USP42: variants seen among roughly 807,000 people sequenced by gnomAD.
USP42 encodes the protein ubiquitin specific peptidase 42.
Under a neutral mutation model 113.0 loss-of-function variants are expected in USP42, and 23 were observed. The ratio of observed to expected loss-of-function variants is 0.20; its 90% CI spans 0.15 to 0.29. The LOEUF is 0.29. Ranked by LOEUF, USP42 falls within the 10% of genes least tolerant of loss-of-function variation. USP42 has a pLI of 1.00. For missense variants in USP42, 2,174 were observed against 1,779.8 expected, an observed-to-expected ratio of 1.22 and a Z score of -3.99; for synonymous variants, 933 against 699.0, an observed-to-expected ratio of 1.33 and a Z score of -5.28.
Position 6,149,912 on chromosome 7 carries a change from G to T in USP42, c.1716G>T (p.Met572Ile). The change falls in exon 13 of 18, where the codon ATG becomes ATT. Residue 572 changes from methionine (M) to isoleucine (I), a missense_variant. Transcript: ENST00000306177. ...AGTCTACCTCGAACGCATCTACGAT[G>T]TCAGTTTCTAGTAAAGTAACAAAAC... ...AVQSTSNASTMSVSSKVTKPI... is the reference protein window; with the variant it reads ...AVQSTSNASTISVSSKVTKPI... 1 of 1,614,016 alleles carries T rather than the reference G, an allele frequency of 6.2e-7. No homozygotes were observed. Among genetic ancestry groups the T allele is most frequent in the Non-Finnish European group, 8.5e-7 (1 of 1,179,910 alleles).
intron 3 of USP42, among the ~76,000 whole-genome samples, chr7:6,127,137 G>A (rs1780586619): frequency 6.6e-6 from 1 of 152,172 alleles, no homozygotes; most frequent in African/African-American, 2.4e-5. Flanking sequence ...GTTCTTTGGT[G>A]AAACGTGCCT....
rs546676648 is a variant in USP42 at position 6,158,621 on chromosome 7, C to T, written c.3944-829C>T. ...GCCCATGGAGTGCTGGGGAAACAGCCGGAGATGAGGACAGGCACCAGCACT... is the reference window on the plus strand; with the variant it reads ...GCCCATGGAGTGCTGGGGAAACAGCTGGAGATGAGGACAGGCACCAGCACT... On this transcript the variant is annotated intron_variant, in intron 16 of 17. Transcript: ENST00000306177. This position sits in a 1 kb window ranked among gnomAD's most constrained non-coding sequence, Gnocchi z 4.2. Among the ~76,000 whole-genome samples the T allele has an allele frequency of 2.0e-5, 3 of 152,150 alleles. No homozygotes were observed. Among genetic ancestry groups the T allele is most frequent in the Non-Finnish European group, 2.9e-5 (2 of 68,030 alleles).
chr7:6,156,725 G>A (rs1387213100), intron 15 of USP42, 29 bp from the exon 16 acceptor site: 1 of 1,515,538 alleles, frequency 6.6e-7, no homozygotes, highest in Non-Finnish European at 8.8e-7. Context: ...GTGTTTTAGG[G>A]TTTTGAATTC....
At chr7:6,107,951 T>C (rs993934021) in intron 1 of USP42, among the ~76,000 whole-genome samples, 20 of 152,190 alleles carry the variant, frequency 1.3e-4, no homozygotes, top group African/African-American at 4.6e-4. Context: ...GATTGTATTT[T>C]TTTGGGTGAT....
intron 11 of USP42, among the ~76,000 whole-genome samples, chr7:6,146,852 C>T (rs937487587): frequency 3.2e-4 from 48 of 152,220 alleles, no homozygotes; most frequent in African/African-American, 1.2e-3. Context: ...GGGCCAGGAG[C>T]CACAGGACAA....
chr7:6,096,638 G>A, the USP42 span, among the ~76,000 whole-genome samples: 1 of 151,404 alleles, frequency 6.6e-6, no homozygotes, highest in Admixed American at 6.6e-5. Flanking sequence ...AGGAGGCTGT[G>A]AAACAGGCTG....
At chr7:6,147,177 C>T (rs542854233) in intron 11 of USP42, among the ~76,000 whole-genome samples, 1 of 152,338 alleles carries the variant, frequency 6.6e-6, no homozygotes, top group Non-Finnish European at 1.5e-5. Context: ...GAGGAGGCCT[C>T]AGGCCAAGTT....
chr7:6,136,387 G>T (rs577981262), intron 4 of USP42, among the ~76,000 whole-genome samples: 2 of 152,118 alleles, frequency 1.3e-5, no homozygotes, highest in Non-Finnish European at 2.9e-5. Flanking sequence ...TTTGTCGTAC[G>T]TGGCTATGTC....
the USP42 span, among the ~76,000 whole-genome samples, chr7:6,092,213 T>C: frequency 6.9e-6 from 1 of 144,688 alleles, no homozygotes; most frequent in African/African-American, 2.7e-5. Context: ...ATTCTCGCTT[T>C]GTCGCCCAGG....
At chr7:6,108,062 T>C (rs1406218835) in intron 1 of USP42, among the ~76,000 whole-genome samples, 2 of 152,144 alleles carry the variant, frequency 1.3e-5, no homozygotes, top group East Asian at 1.9e-4. Flanking sequence ...CACGCACCTG[T>C]AGTCCCAGCT....
At chr7:6,115,225 C>T (rs1006427544) in intron 2 of USP42, 98 bp from the exon 3 acceptor site, 32 of 1,217,928 alleles carry the variant, frequency 2.6e-5, no homozygotes, top group Admixed American at 3.8e-5. Context: ...CATGAGATTT[C>T]GGATCTTGTA....
At position 6,161,035 on chromosome 7, in the gene USP42, T is replaced by C. The variant is rs1298125754; in HGVS notation, c.*517T>C. 2 of 152,666 alleles carry C rather than the reference T, an allele frequency of 1.3e-5. No individual in the cohort carries two copies. The allele number at this position is 152,666 out of a possible 1,614,324, so 9.5% of individuals were successfully genotyped here. On this transcript the variant is annotated 3_prime_UTR_variant, in exon 18 of 18. Transcript: ENST00000306177. Reference sequence around the variant, plus strand: ...TAATGTCTGATACTAGAAACTAATTTGCTTATTTTAGTTGTATTCAAGATT... The same window carrying C: ...TAATGTCTGATACTAGAAACTAATTCGCTTATTTTAGTTGTATTCAAGATT...
intron 3 of USP42, among the ~76,000 whole-genome samples, chr7:6,130,275 A>C (rs1780780725): frequency 6.6e-6 from 1 of 152,028 alleles, no homozygotes. Flanking sequence ...CACATTCCCC[A>C]CTCAGCCTCC....
chr7:6,157,300 T>A lies in USP42; in HGVS notation c.3943+245T>A, dbSNP rs1385843057. On this transcript the variant is annotated intron_variant, in intron 16 of 17. Coordinates refer to ENST00000306177, the MANE Select transcript of USP42 (RefSeq NM_032172.3). This position sits in a 1 kb window ranked among gnomAD's most constrained non-coding sequence, Gnocchi z 4.1. ...ACAGGACTGAGGGCAGCACTACCTG[T>A]GTCACCAAAGCCCTGGAACGTACAG... is the stretch of plus-strand genomic sequence containing the variant. The A allele has an allele frequency of 8.4e-7, 1 of 1,196,070 alleles. No homozygotes were observed. Among genetic ancestry groups the A allele is most frequent in the Non-Finnish European group, 1.0e-6 (1 of 965,650 alleles). The allele number at this position is 1,196,070 out of a possible 1,614,324, so 74.1% of individuals were successfully genotyped here. A position where few individuals can be genotyped will look rare whatever the true frequency, so the allele number is the denominator to read the frequency against.
intron 7 of USP42, among the ~76,000 whole-genome samples, chr7:6,141,751 G>A (rs953468100): frequency 4.6e-5 from 7 of 151,882 alleles, no homozygotes; most frequent in Admixed American, 1.3e-4. Flanking sequence ...TAATTTTTTT[G>A]TTGTTTTTGA....
intron 11 of USP42, among the ~76,000 whole-genome samples, chr7:6,146,905 G>T (rs1362163357): frequency 6.6e-6 from 1 of 152,194 alleles, no homozygotes; most frequent in Non-Finnish European, 1.5e-5. Context: ...ACCTGGCGTG[G>T]TCACAGCCAG....
rs2301912 is a variant in USP42 at position 6,111,286 on chromosome 7, A to G, written c.153A>G (p.Thr51=). 292 of 1,607,416 alleles carry G rather than the reference A, an allele frequency of 1.8e-4. 4 individuals are homozygous for G. The East Asian group carries it at 3.1e-3, about 17-fold the overall frequency. Residue 51 remains threonine, a synonymous_variant, in exon 2 of 18, where the codon ACA becomes ACG. Coordinates refer to ENST00000306177, the MANE Select transcript of USP42 (RefSeq NM_032172.3). The part of the protein sequence containing the change: ...VSSLNDVSNH[T]LSLGPVPGAV... ...CATTGAATGATGTGTCAAATCACAC[A>G]CTTTCTTTAGGACCAGTACCTGGTG... is the stretch of plus-strand genomic sequence containing the variant.
At position 6,111,305 on chromosome 7, in the gene USP42, C is replaced by A. The variant is rs1447080198; in HGVS notation, c.172C>A (p.Pro58Thr). ...TCACACACTTTCTTTAGGACCAGTACCTGGTGCTGTAGTTTATTCGAGTTC... is the reference window on the plus strand; with the variant it reads ...TCACACACTTTCTTTAGGACCAGTAACTGGTGCTGTAGTTTATTCGAGTTC... The part of the protein sequence containing the change: ...SNHTLSLGPV[P>T]GAVVYSSSSV... The change falls in exon 2 of 18, where the codon CCT (proline) becomes ACT (threonine). Residue 58 changes from proline (P) to threonine (T), a missense_variant. Transcript: ENST00000306177. 6.2e-7 allele frequency: 1 copy of A among 1,608,570 alleles called. No homozygotes were observed. The highest frequency in any genetic ancestry group is 1.7e-5 in the Admixed American group (1 of 58,862).
chr7:6,085,542 G>A, the USP42 span, among the ~76,000 whole-genome samples: 5 of 149,314 alleles, frequency 3.3e-5, no homozygotes, highest in Non-Finnish European at 7.4e-5. Context: ...TATAGAAGAG[G>A]GACCTGCTGT....
Sources: gnomAD v4.1 joint callset for allele counts (sites outside exome capture counted in the v4.1 genomes callset) on GRCh38, gnomAD v4.1.1 for gene constraint, Gnocchi (gnomAD v3.1) non-coding constraint, MANE v1.5 for transcripts, NCBI Gene and HGNC (gene_info 2026-07-23, HGNC 2026-07-21) for gene names.